The following TRAPPC8 variants were observed in gnomAD, a reference collection of about 807,000 sequenced individuals.
The protein encoded by TRAPPC8 is general sporulation gene 1 homolog.
In TRAPPC8, 54 loss-of-function variants were observed where a neutral mutation model predicts 174.3. The ratio of observed to expected loss-of-function variants is 0.31; its 90% CI spans 0.25 to 0.39. The LOEUF (loss-of-function observed/expected upper bound fraction) is 0.39. Ranked by LOEUF, TRAPPC8 falls within the 10% of genes least tolerant of loss-of-function variation. The probability of loss-of-function intolerance (pLI) is 1.00; values close to 1 mark genes in which losing one functional copy is unlikely to be tolerated. For missense variants in TRAPPC8, 1,531 were observed against 1,699.1 expected (o/e 0.90, Z 1.74); for synonymous variants, 630 against 579.9 (o/e 1.09, Z -1.24).
chr18:31,851,708 G>C (rs2033712742), intron 24 of TRAPPC8, among the ~76,000 whole-genome samples: 1 of 152,018 alleles, frequency 6.6e-6, no homozygotes, highest in Admixed American at 6.6e-5. Flanking sequence ...GCCCTAGAGA[G>C]TAATAGCTTT....
intron 2 of TRAPPC8, among the ~76,000 whole-genome samples, chr18:31,929,898 T>C (rs2037778540): frequency 6.6e-6 from 1 of 152,142 alleles, no homozygotes; most frequent in Admixed American, 6.6e-5. Context: ...GTTAAGAAAT[T>C]CAGATTTTTT....
chr18:31,876,037 T>A (rs1197444432), intron 12 of TRAPPC8, among the ~76,000 whole-genome samples: 3 of 152,160 alleles, frequency 2.0e-5, no homozygotes, highest in Non-Finnish European at 4.4e-5. Flanking sequence ...ACTCTACATT[T>A]CAAAATAGAG....
intron 12 of TRAPPC8, among the ~76,000 whole-genome samples, chr18:31,877,121 G>C (rs2035194033): frequency 6.6e-6 from 1 of 152,170 alleles, no homozygotes; most frequent in South Asian, 2.1e-4. Flanking sequence ...CCCACCTTGA[G>C]ACAAAGGTAA....
chr18:31,854,115 A>AGAGAC (rs1326894359), intron 21 of TRAPPC8, among the ~76,000 whole-genome samples, 170 bp from the exon 22 acceptor site: 1 of 152,220 alleles, frequency 6.6e-6, no homozygotes, highest in Non-Finnish European at 1.5e-5. Flanking sequence ...AAACACTTTC[A>AGAGAC]GAGACATCAA....
At chr18:31,931,612 G>A in intron 1 of TRAPPC8, 89 bp from the exon 2 acceptor site, 1 of 1,016,532 alleles carries the variant, frequency 9.8e-7, no homozygotes, top group African/African-American at 1.6e-5. Flanking sequence ...AAACAAAAAG[G>A]ATGTACAAAG....
rs1468618572 is a variant in TRAPPC8, at chr18:31,931,521, G to A, written c.160C>T (p.His54Tyr). ...KPFSRLTSEV[H>Y]MRDPNNQLHV... ...AGTTGATTATTAGGATCTCTCATGTGAACTTTAAAGAAAAAAAGAAAAAAA... is the reference window on the plus strand; with the variant it reads ...AGTTGATTATTAGGATCTCTCATGTAAACTTTAAAGAAAAAAAGAAAAAAA... Residue 54 changes from histidine to tyrosine, a missense_variant and splice_region_variant, in exon 2 of 29, where the codon CAC becomes TAC. By Grantham distance (83) the His-to-Tyr change is moderately conservative. Transcript: ENST00000283351. 2 of 1,537,120 alleles carry A rather than the reference G, an allele frequency of 1.3e-6. No individual in the cohort carries two copies. The highest frequency in any genetic ancestry group is 1.7e-6 in the Non-Finnish European group (2 of 1,142,990).
rs144128464 is a variant in TRAPPC8, at chr18:31,924,801, C to G, written c.352+6528G>C. Among the ~76,000 whole-genome samples, 197 of 150,884 alleles carry G rather than the reference C, an allele frequency of 1.3e-3. 5 individuals are homozygous for G. In the East Asian group the frequency reaches 0.033, roughly 25 times the overall value. Reference sequence around the variant, plus strand: ...GTTAAGCTATAGTAATTGCCTCCACCTGCTTTTAAATGCAAATAGCAATCA... The same window carrying G: ...GTTAAGCTATAGTAATTGCCTCCACGTGCTTTTAAATGCAAATAGCAATCA... On this transcript the variant is annotated intron_variant, in intron 2 of 28. Transcript: ENST00000283351.
At chr18:31,907,758 G>C (rs775244201) in intron 8 of TRAPPC8, 148 bp from the exon 9 acceptor site, 3 of 626,048 alleles carry the variant, frequency 4.8e-6, no homozygotes, top group Non-Finnish European at 7.3e-6. Context: ...AAGAGTGTCA[G>C]TTCTCAAAAA....
intron 9 of TRAPPC8, among the ~76,000 whole-genome samples, chr18:31,903,113 CGTGCGTGCGTGT>C (rs2036513431): frequency 1.1e-5 from 1 of 90,348 alleles, no homozygotes; most frequent in East Asian, 6.4e-4. Context: ...TGCGCGCGTG[CGTGCGTGCGTGT>C]GTGTGTGTGT....
intron 9 of TRAPPC8, among the ~76,000 whole-genome samples, chr18:31,905,141 G>T (rs2036603412): frequency 6.6e-6 from 1 of 151,974 alleles, no homozygotes; most frequent in Non-Finnish European, 1.5e-5. Flanking sequence ...ATCTAAAAAG[G>T]CATACGATCT....
intron 9 of TRAPPC8, among the ~76,000 whole-genome samples, chr18:31,906,467 A>G (rs2036663026): frequency 6.6e-6 from 1 of 152,168 alleles, no homozygotes; most frequent in African/African-American, 2.4e-5. Context: ...CAGTTATTAA[A>G]CAAGTATCTG....
chr18:31,851,278 A>G (rs966421493), intron 24 of TRAPPC8, among the ~76,000 whole-genome samples: 6 of 152,154 alleles, frequency 3.9e-5, no homozygotes, highest in African/African-American at 1.4e-4. Context: ...TCCACCCAAG[A>G]TATAATCAAC....
chr18:31,841,706 T>C (rs541481976), intron 26 of TRAPPC8, among the ~76,000 whole-genome samples: 36 of 152,298 alleles, frequency 2.4e-4, no homozygotes, highest in African/African-American at 8.7e-4. Context: ...GGATTCAGAT[T>C]ATGAGGACTT....
chr18:31,864,368 CAG>C (rs1218214206), intron 19 of TRAPPC8, among the ~76,000 whole-genome samples: 1 of 151,842 alleles, frequency 6.6e-6, no homozygotes, highest in Admixed American at 6.6e-5. Flanking sequence ...TTTTTAAAAT[CAG>C]AGTGGATTTT....
intron 12 of TRAPPC8, among the ~76,000 whole-genome samples, chr18:31,876,489 C>CAAAAAACAAAAAAAAAAAA (rs2035153551): frequency 2.1e-5 from 1 of 48,722 alleles, no homozygotes; most frequent in Non-Finnish European, 3.6e-5. Context: ...GACTCCATCT[C>CAAAAAACAAAAAAAAAAAA]AAAAAAAAAA....
intron 24 of TRAPPC8, 122 bp from the exon 25 acceptor site, chr18:31,849,861 A>G (rs1310631507): frequency 3.8e-6 from 3 of 783,512 alleles, no homozygotes; most frequent in Non-Finnish European, 5.6e-6. Flanking sequence ...TAGCTTATAC[A>G]TACCCAAAAT....
At chr18:31,919,668 G>C (rs2037304304) in intron 2 of TRAPPC8, among the ~76,000 whole-genome samples, 1 of 151,178 alleles carries the variant, frequency 6.6e-6, no homozygotes, top group Non-Finnish European at 1.5e-5. Flanking sequence ...ACCAGCCTGG[G>C]ATACATGGCG....
chr18:31,909,700 G>T lies in TRAPPC8; in HGVS notation c.832C>A (p.Leu278Ile), dbSNP rs115483834. 4 of 1,600,876 alleles carry T rather than the reference G, an allele frequency of 2.5e-6. No individual in the cohort carries two copies. Among genetic ancestry groups the T allele is most frequent in the Non-Finnish European group, 3.4e-6 (4 of 1,176,346 alleles). The change falls in exon 6 of 29, where the codon CTT becomes ATT. Residue 278 changes from leucine to isoleucine, a missense_variant. Leu to Ile is a conservative substitution (Grantham distance 5, BLOSUM62 2). Coordinates refer to ENST00000283351, the MANE Select transcript of TRAPPC8 (RefSeq NM_014939.5). ...TCGTTATCTAATCCATCCAATGAAA[G>T]CAAGTTATTATCAGAATTCTTATTT... ...TSNKNSDNNLLSLDGLDNEVK... is the reference protein window; with the variant it reads ...TSNKNSDNNLISLDGLDNEVK...
At chr18:31,854,349 C>T (rs2033878814) in intron 21 of TRAPPC8, among the ~76,000 whole-genome samples, 2 of 152,110 alleles carry the variant, frequency 1.3e-5, no homozygotes, top group Admixed American at 6.6e-5. Flanking sequence ...CAAAAACTCA[C>T]ATAACAGAAT....
Sources: allele counts gnomAD v4.1 joint callset (sites outside exome capture counted in the v4.1 genomes callset), GRCh38; gene constraint gnomAD v4.1.1; transcripts MANE v1.5; gene names NCBI Gene and HGNC (gene_info 2026-07-23, HGNC 2026-07-21).